The following ANAPC1 variants were observed in gnomAD, a reference collection of about 807,000 sequenced individuals.
The protein encoded by ANAPC1 is anaphase promoting complex subunit 1, also known as anaphase-promoting complex subunit 1.
A neutral mutation model predicts 208.0 loss-of-function variants in ANAPC1; 36 were observed. The observed-to-expected ratio is 0.17, with a 90% CI of 0.13 to 0.23. The LOEUF (loss-of-function observed/expected upper bound fraction) is 0.23, where lower values mean the gene tolerates loss of function less well. Among genes scored for constraint, ANAPC1 ranks in the 10% least tolerant of loss-of-function variants. ANAPC1 has a pLI of 1.00. For synonymous variants in ANAPC1, 378 were observed against 695.2 expected (o/e 0.54, Z 7.18); for missense variants, 942 against 2,011.6 (o/e 0.47, Z 10.17).
intron 13 of ANAPC1, among the ~76,000 whole-genome samples, chr2:111,854,670 T>C (rs1424348369): frequency 6.6e-6 from 1 of 152,216 alleles, no homozygotes; most frequent in East Asian, 1.9e-4. Context: ...GCTTTTTTCC[T>C]TAAACCTCAA....
chr2:111,810,010 T>C (rs1487377327), intron 28 of ANAPC1, among the ~76,000 whole-genome samples: 1 of 148,438 alleles, frequency 6.7e-6, no homozygotes, highest in Non-Finnish European at 1.5e-5. Flanking sequence ...TGTATACAAA[T>C]GTTCATAGCA....
chr2:111,847,053 A>C (rs917948334), intron 16 of ANAPC1, 85 bp downstream of exon 16: 2 of 1,177,704 alleles, frequency 1.7e-6, no homozygotes, highest in African/African-American at 3.1e-5. Flanking sequence ...TGGCTTCAAA[A>C]ATGGCAAAAT....
intron 34 of ANAPC1, among the ~76,000 whole-genome samples, chr2:111,799,427 G>A (rs551081671): frequency 2.6e-5 from 4 of 152,302 alleles, no homozygotes; most frequent in Admixed American, 6.5e-5. Context: ...TCTACCCTAT[G>A]CCTCAGTAAT....
At chr2:111,835,276 T>C (rs1357448642) in intron 18 of ANAPC1, among the ~76,000 whole-genome samples, 1 of 152,248 alleles carries the variant, frequency 6.6e-6, no homozygotes, top group African/African-American at 2.4e-5. Flanking sequence ...ATTCAGCTGG[T>C]GTATTCATCT....
intron 34 of ANAPC1, among the ~76,000 whole-genome samples, chr2:111,799,174 G>A (rs1678315689): frequency 6.6e-6 from 1 of 152,192 alleles, no homozygotes; most frequent in Non-Finnish European, 1.5e-5. Context: ...AAAGATAGAT[G>A]GAGGACCAAT....
At chr2:111,870,410 T>C (rs1035989864) in intron 6 of ANAPC1, among the ~76,000 whole-genome samples, 2 of 152,228 alleles carry the variant, frequency 1.3e-5, no homozygotes, top group African/African-American at 4.8e-5. Context: ...TAATGGCCAT[T>C]CCTTAAAGAG....
At position 111,868,282 on chromosome 2, in the gene ANAPC1, TCTCCCCTTA is replaced by T. The variant is rs1682546262; in HGVS notation, c.612-195_612-187del. 4.6e-5 allele frequency among the ~76,000 whole-genome samples: 7 copies of T among 152,304 alleles called. No individual in the cohort carries two copies. The South Asian group carries it at 1.5e-3, about 32-fold the overall frequency. Reference sequence around the variant, plus strand: ...GTCTTCTATTTCATTCCTAGAAATCTCTCCCCTTAGAGTAATTCTATCAATGCACGAACA... The same window carrying T: ...GTCTTCTATTTCATTCCTAGAAATCTGAGTAATTCTATCAATGCACGAACA... On this transcript the variant is annotated intron_variant, in intron 6 of 47. Transcript: ENST00000341068.
chr2:111,863,965 G>T, intron 8 of ANAPC1, 70 bp from the exon 9 acceptor site: 1 of 1,478,050 alleles, frequency 6.8e-7, no homozygotes, highest in South Asian at 1.4e-5. Flanking sequence ...CAATTTCCTT[G>T]TAAGAATGCA....
intron 16 of ANAPC1, among the ~76,000 whole-genome samples, chr2:111,843,903 C>G (rs983423360): frequency 7.0e-6 from 1 of 143,582 alleles, no homozygotes; most frequent in Non-Finnish European, 1.5e-5. Context: ...TGGCACACTG[C>G]AACTTCTGCC....
chr2:111,826,701 G>A (rs955892803), intron 21 of ANAPC1, among the ~76,000 whole-genome samples: 6 of 143,476 alleles, frequency 4.2e-5, no homozygotes, highest in South Asian at 2.2e-4. Flanking sequence ...TCACTATGTC[G>A]CCAGGCTGGA....
At position 111,812,914 on chromosome 2, in the gene ANAPC1, G is replaced by C. The variant is rs994463832; in HGVS notation, c.3597+2456C>G. ...TGTTATCAGTGTGGGAGCACTAAAA[G>C]AGAGTCTGCCCCCGAAATCAGAAGC... On this transcript the variant is annotated intron_variant, in intron 28 of 47. Coordinates refer to ENST00000341068, the MANE Select transcript of ANAPC1 (RefSeq NM_022662.4). 2.6e-5 allele frequency among the ~76,000 whole-genome samples: 3 copies of C among 116,124 alleles called. 1 individual carries two copies. The highest frequency in any genetic ancestry group is 9.9e-5 in the African/African-American group (3 of 30,254). The allele number at this position is 116,124 out of a possible 152,430, so 76.2% of individuals were successfully genotyped here.
At chr2:111,804,502 TTTTC>T (rs1448220900) in intron 30 of ANAPC1, among the ~76,000 whole-genome samples, 1 of 100,650 alleles carries the variant, frequency 9.9e-6, no homozygotes, top group East Asian at 2.7e-4. Context: ...TGTGTGATTC[TTTTC>T]TTTTTTTTTT....
At chr2:111,794,047 T>C in intron 37 of ANAPC1, 31 bp downstream of exon 37, 1 of 1,320,384 alleles carries the variant, frequency 7.6e-7, no homozygotes, top group Non-Finnish European at 1.0e-6. Context: ...AGTTTAATTT[T>C]ATTCCCAAGG....
intron 38 of ANAPC1, among the ~76,000 whole-genome samples, chr2:111,789,020 C>T (rs1333676716): frequency 6.6e-6 from 1 of 152,266 alleles, no homozygotes; most frequent in Non-Finnish European, 1.5e-5. Context: ...CGCCTATAGT[C>T]CCAGCTACTT....
chr2:111,876,353 A>G (rs1683027416), intron 3 of ANAPC1, among the ~76,000 whole-genome samples: 1 of 152,218 alleles, frequency 6.6e-6, no homozygotes, highest in Non-Finnish European at 1.5e-5. Context: ...TCATAAACAA[A>G]ATAGAAAATT....
chr2:111,789,842 G>A (rs1351109367), intron 38 of ANAPC1, among the ~76,000 whole-genome samples: 23 of 152,130 alleles, frequency 1.5e-4, no homozygotes, highest in South Asian at 2.1e-4. Context: ...CATACAGTTT[G>A]GAACAATGAA....
chr2:111,828,434 C>G (rs1679951924), intron 21 of ANAPC1, among the ~76,000 whole-genome samples: 1 of 152,108 alleles, frequency 6.6e-6, no homozygotes, highest in African/African-American at 2.4e-5. Flanking sequence ...ACAATTCCAC[C>G]ACCAGGTATA....
chr2:111,766,721 C>A, downstream of ANAPC1: 1 of 313,790 alleles, frequency 3.2e-6, no homozygotes, highest in South Asian at 2.7e-5. Flanking sequence ...TCCTGGCCCA[C>A]ACTCTGACCC....
chr2:111,847,886 G>A (rs754529188), intron 14 of ANAPC1, 21 bp from the exon 15 acceptor site: 41 of 1,545,842 alleles, frequency 2.7e-5, no homozygotes, highest in East Asian at 6.9e-5. Flanking sequence ...TTGTAAATAC[G>A]ATACAAATGA....
Sources: gnomAD v4.1 joint callset for allele counts (sites outside exome capture counted in the v4.1 genomes callset) on GRCh38, gnomAD v4.1.1 for gene constraint, MANE v1.5 for transcripts, NCBI Gene and HGNC (gene_info 2026-07-23, HGNC 2026-07-21) for gene names.